The following COLEC12 variants were observed in gnomAD, a reference collection of about 807,000 sequenced individuals.
COLEC12 encodes collectin subfamily member 12.
In COLEC12, 33 loss-of-function variants were observed where a neutral mutation model predicts 71.1. The observed-to-expected ratio is 0.46, with a 90% CI of 0.35 to 0.62. The LOEUF is 0.62. COLEC12 is among the 20% of genes least tolerant of loss of function. The pLI is 0.00. For missense variants in COLEC12, 765 were observed against 916.1 expected (o/e 0.84, Z 2.13); for synonymous variants, 350 against 353.0 (o/e 0.99, Z 0.10).
At chr18:478,209 G>T (rs533373284) in intron 2 of COLEC12, among the ~76,000 whole-genome samples, 148 of 152,218 alleles carry the variant, frequency 9.7e-4, no homozygotes, top group Non-Finnish European at 1.7e-3. Context: ...ACATTATCCT[G>T]AGAGTTAGAA....
At chr18:355,051 C>G (rs796778892) in intron 3 of COLEC12, among the ~76,000 whole-genome samples, 24 of 121,818 alleles carry the variant, frequency 2.0e-4, no homozygotes, top group African/African-American at 6.5e-4. Context: ...ATCCATGCAT[C>G]CATCCATCCA....
chr18:419,567 A>C (rs1485539353), intron 2 of COLEC12, among the ~76,000 whole-genome samples: 1 of 152,220 alleles, frequency 6.6e-6, no homozygotes, highest in Admixed American at 6.5e-5. Context: ...GTTTCTATCA[A>C]AACGTTTCTA....
intron 3 of COLEC12, among the ~76,000 whole-genome samples, chr18:355,039 C>G (rs908841573): frequency 4.7e-5 from 7 of 148,696 alleles, no homozygotes; most frequent in Admixed American, 2.0e-4. Flanking sequence ...ATCCATCAAT[C>G]CATCCATGCA....
chr18:440,988 C>T (rs1404895353), intron 2 of COLEC12, among the ~76,000 whole-genome samples: 5 of 152,016 alleles, frequency 3.3e-5, no homozygotes, highest in Admixed American at 6.6e-5. Flanking sequence ...GTGGCTCACG[C>T]CTGTAATCCC....
At chr18:370,043 G>A (rs1914966972) in intron 2 of COLEC12, among the ~76,000 whole-genome samples, 1 of 152,148 alleles carries the variant, frequency 6.6e-6, no homozygotes, top group South Asian at 2.1e-4. Flanking sequence ...GAGTTCAGAG[G>A]AAAGCAACAC....
intron 2 of COLEC12, among the ~76,000 whole-genome samples, chr18:472,448 C>A (rs912008729): frequency 6.6e-6 from 1 of 152,024 alleles, no homozygotes. Context: ...GAGGCTGGGG[C>A]CACGATGGTC....
chr18:448,360 C>T (rs1385911592), intron 2 of COLEC12, among the ~76,000 whole-genome samples: 1 of 152,162 alleles, frequency 6.6e-6, no homozygotes, highest in African/African-American at 2.4e-5. Context: ...CTTGGTTTGG[C>T]AAACCCTGTA....
At chr18:458,876 C>T (rs1916923039) in intron 2 of COLEC12, among the ~76,000 whole-genome samples, 1 of 152,236 alleles carries the variant, frequency 6.6e-6, no homozygotes. Flanking sequence ...TGCTCTGTCA[C>T]CCAGGCTGAG....
chr18:394,900 T>C (rs1915536760), intron 2 of COLEC12, among the ~76,000 whole-genome samples: 1 of 152,314 alleles, frequency 6.6e-6, no homozygotes, highest in South Asian at 2.1e-4. Flanking sequence ...CTTGTTTCCA[T>C]GTTGATGCCA....
At chr18:376,254 C>A (rs1022051492) in intron 2 of COLEC12, among the ~76,000 whole-genome samples, 1 of 152,190 alleles carries the variant, frequency 6.6e-6, no homozygotes, top group Non-Finnish European at 1.5e-5. Context: ...CAGACCTTTA[C>A]ACTGCATGGA....
At chr18:350,263 GTTTCCAC>G (rs1424952882) in intron 3 of COLEC12, among the ~76,000 whole-genome samples, 1 of 152,104 alleles carries the variant, frequency 6.6e-6, no homozygotes, top group Non-Finnish European at 1.5e-5. Context: ...GATCTGATGG[GTTTCCAC>G]TTTTTCATCT....
chr18:413,829 A>G (rs537884199), intron 2 of COLEC12, among the ~76,000 whole-genome samples: 54 of 152,368 alleles, frequency 3.5e-4, no homozygotes, highest in Non-Finnish European at 5.4e-4. Flanking sequence ...GGAATGAAGT[A>G]CTAATACATG....
At chr18:392,533 ACT>A (rs2143592765) in intron 2 of COLEC12, among the ~76,000 whole-genome samples, 1 of 152,180 alleles carries the variant, frequency 6.6e-6, no homozygotes, top group South Asian at 2.1e-4. Flanking sequence ...CGAAACTTAC[ACT>A]CTCTTTTAGC....
At position 331,763 on chromosome 18, in the gene COLEC12, T is replaced by C. The variant is rs745547371; in HGVS notation, c.1968A>G (p.Lys656=). The stretch of plus-strand genomic sequence containing the variant: ...AGTGGCTCTCTCTCCCTACCATCTG[T>C]TTTTTTATCCATTGCTGAAAAACAA... ...NTREEQQWIK[K]QMVGRESHWI... is the part of the protein sequence containing the mutation. The change falls in exon 8 of 10, where the codon AAA becomes AAG. Residue 656 remains lysine (K), a synonymous_variant. Coordinates refer to ENST00000400256, the MANE Select transcript of COLEC12 (RefSeq NM_130386.3). 6.2e-7 allele frequency: 1 copy of C among 1,611,952 alleles called. No individual in the cohort carries two copies. Among genetic ancestry groups the C allele is most frequent in the East Asian group, 2.2e-5 (1 of 44,868 alleles).
chr18:416,617 A>G (rs1915990319), intron 2 of COLEC12, among the ~76,000 whole-genome samples: 1 of 152,034 alleles, frequency 6.6e-6, no homozygotes, highest in East Asian at 1.9e-4. Context: ...TTCACATTAT[A>G]AAGCTTTGGG....
intron 2 of COLEC12, among the ~76,000 whole-genome samples, chr18:393,184 G>A (rs975194591): frequency 2.6e-5 from 4 of 152,204 alleles, no homozygotes; most frequent in Admixed American, 2.6e-4. Flanking sequence ...CTCGCACTGA[G>A]GGACATTACA....
chr18:494,503 C>A (rs1178612704), intron 1 of COLEC12, among the ~76,000 whole-genome samples: 1 of 152,110 alleles, frequency 6.6e-6, no homozygotes, highest in Non-Finnish European at 1.5e-5. Flanking sequence ...AACTGGGGCC[C>A]CAGGGGGTTA....
At chr18:359,259 C>A (rs1459629038) in intron 2 of COLEC12, among the ~76,000 whole-genome samples, 1 of 152,140 alleles carries the variant, frequency 6.6e-6, no homozygotes, top group Non-Finnish European at 1.5e-5. Flanking sequence ...GTATTTACAC[C>A]ATAGAAATTG....
At chr18:460,102 G>A (rs1916949627) in intron 2 of COLEC12, among the ~76,000 whole-genome samples, 1 of 152,094 alleles carries the variant, frequency 6.6e-6, no homozygotes, top group African/African-American at 2.4e-5. Context: ...CGGGCTGTGA[G>A]CTCAAGTAAG....
Sources: allele counts gnomAD v4.1 joint callset (sites outside exome capture counted in the v4.1 genomes callset), GRCh38; gene constraint gnomAD v4.1.1; transcripts MANE v1.5; gene names NCBI Gene and HGNC (gene_info 2026-07-23, HGNC 2026-07-21).